Variants in ST6GALNAC5 observed in about 807,000 individuals in gnomAD.
ST6GALNAC5 encodes ST6 N-acetylgalactosaminide alpha-2,6-sialyltransferase 5.
A neutral mutation model predicts 33.6 loss-of-function variants in ST6GALNAC5; 27 were observed. The observed-to-expected ratio is 0.80, with a 90% CI of 0.59 to 1.11. ST6GALNAC5 has a LOEUF of 1.11. Ranked by LOEUF, ST6GALNAC5 falls within the 50% of genes least tolerant of loss-of-function variation. ST6GALNAC5 has a pLI of 0.00. For missense variants in ST6GALNAC5, 428 were observed against 454.0 expected (o/e 0.94, Z 0.52); for synonymous variants, 194 against 171.2 (o/e 1.13, Z -1.04).
intron 2 of ST6GALNAC5, among the ~76,000 whole-genome samples, chr1:76,929,039 C>G (rs1273324066): frequency 1.3e-5 from 2 of 152,166 alleles, no homozygotes; most frequent in African/African-American, 4.8e-5. Flanking sequence ...TCAAGCCTTA[C>G]TTTCTTTCAA....
At chr1:76,945,833 A>G (rs1263428636) in intron 2 of ST6GALNAC5, among the ~76,000 whole-genome samples, 1 of 152,150 alleles carries the variant, frequency 6.6e-6, no homozygotes, top group East Asian at 1.9e-4. Flanking sequence ...TTGCTGTGAT[A>G]TAAGAATAAT....
intron 2 of ST6GALNAC5, among the ~76,000 whole-genome samples, chr1:76,951,172 C>T (rs1009976769): frequency 3.9e-5 from 6 of 152,176 alleles, no homozygotes; most frequent in Admixed American, 6.6e-5. Context: ...GAACAAACCA[C>T]GGATCAAATC....
At chr1:76,869,166 A>G (rs984111738) in intron 2 of ST6GALNAC5, 2 of 185,136 alleles carry the variant, frequency 1.1e-5, no homozygotes, top group Non-Finnish European at 2.2e-5. Context: ...GAGCGCAGCC[A>G]GCCCGCGGCC....
At chr1:77,049,596 T>C (rs1057045811) in intron 3 of ST6GALNAC5, among the ~76,000 whole-genome samples, 13 of 152,186 alleles carry the variant, frequency 8.5e-5, no homozygotes, top group African/African-American at 2.7e-4. Flanking sequence ...TTTGTCAATT[T>C]TTGGTCTCCT....
At chr1:76,937,804 G>T (rs1030165057) in intron 2 of ST6GALNAC5, among the ~76,000 whole-genome samples, 9 of 152,168 alleles carry the variant, frequency 5.9e-5, no homozygotes, top group African/African-American at 2.2e-4. Flanking sequence ...ATTACTTTCA[G>T]TAAGGACAAG....
Position 77,050,344 on chromosome 1 carries a change from T to A in ST6GALNAC5, c.758T>A (p.Met253Lys). The part of the protein sequence containing the change: ...ELCDRINVYG[M>K]VPPDFCRDPN... ...TGTGACAGGATCAATGTTTATGGCATGGTGCCCCCAGACTTCTGCAGGTAG... is the reference window on the plus strand; with the variant it reads ...TGTGACAGGATCAATGTTTATGGCAAGGTGCCCCCAGACTTCTGCAGGTAG... Residue 253 changes from methionine (M) to lysine (K), a missense_variant, in exon 4 of 5, where the codon ATG becomes AAG. Met to Lys is a moderately conservative substitution (Grantham distance 95). Transcript: ENST00000477717. 1 of 1,614,102 alleles carries A rather than the reference T, an allele frequency of 6.2e-7. No homozygotes were observed. The highest frequency in any genetic ancestry group is 2.2e-5 in the East Asian group (1 of 44,880).
At chr1:77,017,013 G>T (rs940441861) in intron 2 of ST6GALNAC5, among the ~76,000 whole-genome samples, 1 of 151,928 alleles carries the variant, frequency 6.6e-6, no homozygotes, top group African/African-American at 2.4e-5. Context: ...TCCAAGTTCG[G>T]GTACAATCAT....
intron 2 of ST6GALNAC5, among the ~76,000 whole-genome samples, chr1:77,010,300 G>A (rs1448981060): frequency 6.6e-6 from 1 of 152,128 alleles, no homozygotes; most frequent in African/African-American, 2.4e-5. Flanking sequence ...GTCGAGACCA[G>A]CCTGACCAAC....
chr1:76,968,664 T>C (rs974078462), intron 2 of ST6GALNAC5, among the ~76,000 whole-genome samples: 2 of 152,210 alleles, frequency 1.3e-5, no homozygotes, highest in Non-Finnish European at 2.9e-5. Context: ...TGATGCAGTT[T>C]CTTCCTAGCA....
chr1:76,924,432 A>G (rs1647065060), intron 2 of ST6GALNAC5, among the ~76,000 whole-genome samples: 1 of 152,184 alleles, frequency 6.6e-6, no homozygotes, highest in Non-Finnish European at 1.5e-5. Flanking sequence ...TGACTGGATG[A>G]ATACACTCCT....
chr1:76,940,485 G>C (rs1168273133), intron 2 of ST6GALNAC5, among the ~76,000 whole-genome samples: 1 of 152,048 alleles, frequency 6.6e-6, no homozygotes, highest in African/African-American at 2.4e-5. Flanking sequence ...ATACATGTTA[G>C]TGTGCATTTT....
chr1:76,978,228 T>C (rs1009415918), intron 2 of ST6GALNAC5, among the ~76,000 whole-genome samples: 12 of 152,196 alleles, frequency 7.9e-5, no homozygotes, highest in Non-Finnish European at 1.5e-5. Flanking sequence ...ATTAACCCCT[T>C]GTTAGATGCA....
intron 2 of ST6GALNAC5, among the ~76,000 whole-genome samples, chr1:76,946,272 C>G (rs1369047559): frequency 6.6e-6 from 1 of 152,092 alleles, no homozygotes; most frequent in African/African-American, 2.4e-5. Flanking sequence ...TGACCTCGTT[C>G]CCAAGACAGC....
At chr1:76,954,393 G>A (rs1647871149) in intron 2 of ST6GALNAC5, among the ~76,000 whole-genome samples, 2 of 152,090 alleles carry the variant, frequency 1.3e-5, no homozygotes, top group Admixed American at 1.3e-4. Flanking sequence ...TGGGAGGGGA[G>A]GGAGAGTATC....
chr1:77,030,142 T>C (rs780350796), intron 2 of ST6GALNAC5, among the ~76,000 whole-genome samples: 7 of 152,232 alleles, frequency 4.6e-5, no homozygotes, highest in Non-Finnish European at 8.8e-5. Context: ...TGATTTCTCC[T>C]GCCATTTTTA....
intron 2 of ST6GALNAC5, among the ~76,000 whole-genome samples, chr1:76,955,953 G>T (rs186573228): frequency 3.3e-5 from 5 of 152,262 alleles, no homozygotes; most frequent in South Asian, 2.1e-4. Flanking sequence ...TTTCACCACT[G>T]TCTCCACCAC....
At chr1:76,986,708 C>T (rs186674817) in intron 2 of ST6GALNAC5, among the ~76,000 whole-genome samples, 3 of 152,268 alleles carry the variant, frequency 2.0e-5, no homozygotes, top group Admixed American at 2.0e-4. Context: ...AAGACACATG[C>T]ACACGTATGT....
chr1:76,875,181 C>T (rs929796246), intron 2 of ST6GALNAC5, among the ~76,000 whole-genome samples: 2 of 152,200 alleles, frequency 1.3e-5, no homozygotes, highest in Admixed American at 6.5e-5. Context: ...GTAATGATTA[C>T]TACCTTCTTC....
At chr1:77,053,912 C>A (rs1652308960) in intron 4 of ST6GALNAC5, among the ~76,000 whole-genome samples, 1 of 152,164 alleles carries the variant, frequency 6.6e-6, no homozygotes, top group Non-Finnish European at 1.5e-5. Flanking sequence ...CCTAAGTTCC[C>A]AGTGTCTCAC....
Sources: allele counts gnomAD v4.1 joint callset (sites outside exome capture counted in the v4.1 genomes callset), GRCh38; gene constraint gnomAD v4.1.1; transcripts MANE v1.5; gene names NCBI Gene and HGNC (gene_info 2026-07-23, HGNC 2026-07-21).